ANKRD1: variants seen among roughly 807,000 people sequenced by gnomAD.
ANKRD1 encodes the protein ankyrin repeat domain-containing protein 1.
Under a neutral mutation model 40.1 loss-of-function variants are expected in ANKRD1, and 32 were observed. That is an observed-to-expected ratio of 0.80 (90% confidence interval 0.60 to 1.07). The LOEUF (loss-of-function observed/expected upper bound fraction) is 1.07, where lower values mean the gene tolerates loss of function less well. Among genes scored for constraint, ANKRD1 ranks in the 50% least tolerant of loss-of-function variants. ANKRD1 has a pLI of 0.00. For missense variants in ANKRD1, 359 were observed against 386.0 expected, an observed-to-expected ratio of 0.93 and a Z score of 0.59; for synonymous variants, 149 against 141.2, an observed-to-expected ratio of 1.06 and a Z score of -0.39.
At chr10:90,915,234 G>T (rs1421103488) in intron 8 of ANKRD1, among the ~76,000 whole-genome samples, 1 of 152,186 alleles carries the variant, frequency 6.6e-6, no homozygotes, top group African/African-American at 2.4e-5. Flanking sequence ...AAGCAGATTG[G>T]ACTTCTAGGT....
At chr10:90,914,728 C>T (rs1164337126) in intron 8 of ANKRD1, among the ~76,000 whole-genome samples, 3 of 124,000 alleles carry the variant, frequency 2.4e-5, no homozygotes, top group East Asian at 2.5e-4. Flanking sequence ...CCTCCCCCCC[C>T]CCCCACTCTT....
chr10:90,912,756 C>G lies in ANKRD1; in HGVS notation c.*110G>C, dbSNP rs1847329009. On this transcript the variant is annotated 3_prime_UTR_variant, in exon 9 of 9. Coordinates refer to ENST00000371697, the MANE Select transcript of ANKRD1 (RefSeq NM_014391.3). ...CTCAAAACTTCATTAGGTACATCTT[C>G]ACAACACGTTGATAAATAGAAACTA... The G allele has an allele frequency of 1.9e-6, 2 of 1,056,372 alleles. No homozygotes were observed. Among genetic ancestry groups the G allele is most frequent in the Non-Finnish European group, 1.5e-6 (1 of 675,914 alleles). The allele number at this position is 1,056,372 out of a possible 1,614,324, so 65.4% of individuals were successfully genotyped here.
At chr10:90,919,306 TCTA>T (rs1323219530) in intron 2 of ANKRD1, 38 bp from the exon 3 acceptor site, 1 of 1,572,760 alleles carries the variant, frequency 6.4e-7, no homozygotes, top group Admixed American at 1.7e-5. Flanking sequence ...TATGGTGAGT[TCTA>T]CTGACAAGCA....
At chr10:90,913,879 A>G (rs558667610) in intron 8 of ANKRD1, among the ~76,000 whole-genome samples, 1 of 152,186 alleles carries the variant, frequency 6.6e-6, no homozygotes, top group Admixed American at 6.5e-5. Context: ...AGTTAAAAAC[A>G]TGGTACCCAT....
intron 5 of ANKRD1, among the ~76,000 whole-genome samples, chr10:90,916,907 CTGT>C (rs1847379521): frequency 6.6e-6 from 1 of 152,182 alleles, no homozygotes; most frequent in Non-Finnish European, 1.5e-5. Flanking sequence ...TGTACCTCAA[CTGT>C]AGTCACTTGT....
rs934590266 is a variant in ANKRD1 at position 90,912,609 on chromosome 10, C to G, written c.*257G>C. On this transcript the variant is annotated 3_prime_UTR_variant, in exon 9 of 9. Transcript: ENST00000371697. ...TATATACAAATGAAGCTCTGCTCAC[C>G]AGATGGATGATCATGAAGGTCTGAA... 2.4e-6 allele frequency: 1 copy of G among 419,022 alleles called. No individual in the cohort carries two copies. Among genetic ancestry groups the G allele is most frequent in the Admixed American group, 3.5e-5 (1 of 28,436 alleles). 26.0% of individuals were successfully genotyped at this position (419,022 alleles called of 1,614,324 possible).
chr10:90,916,124 AGGGAGG>A, intron 6 of ANKRD1, 41 bp downstream of exon 6: 6 of 913,874 alleles, frequency 6.6e-6, no homozygotes, highest in African/African-American at 3.8e-5. Flanking sequence ...GATGGGGGAC[AGGGAGG>A]GGGAGGGGGT....
chr10:90,917,898 G>A, intron 4 of ANKRD1, 68 bp from the exon 5 acceptor site: 2 of 1,300,130 alleles, frequency 1.5e-6, no homozygotes, highest in Non-Finnish European at 2.2e-6. Flanking sequence ...CCTTTTAAGA[G>A]CTATGAAGCT....
intron 2 of ANKRD1, among the ~76,000 whole-genome samples, chr10:90,919,604 A>C (rs537587265): frequency 1.3e-5 from 2 of 152,358 alleles, no homozygotes; most frequent in African/African-American, 4.8e-5. Flanking sequence ...TTTTAAAATT[A>C]TGCTCAAAAC....
chr10:90,915,615 C>T lies in ANKRD1; in HGVS notation c.777G>A (p.Ala259=). ...TCATCTTATAGCGGTTCAGTCTCAC[C>T]GCATCATGCAACGGGGTATCTCCTT... is the stretch of plus-strand genomic sequence containing the variant. ...DREGDTPLHD[A]VRLNRYKMIR... Residue 259 remains alanine, a synonymous_variant, in exon 8 of 9, where the codon GCG becomes GCA. Coordinates refer to ENST00000371697, the MANE Select transcript of ANKRD1 (RefSeq NM_014391.3). 1 of 1,613,978 alleles carries T rather than the reference C, an allele frequency of 6.2e-7. No individual in the cohort carries two copies. Among genetic ancestry groups the T allele is most frequent in the Admixed American group, 1.7e-5 (1 of 60,016 alleles).
rs1032358913 is a variant in ANKRD1, at chr10:90,912,763, C to T, written c.*103G>A. On this transcript the variant is annotated 3_prime_UTR_variant, in exon 9 of 9. Coordinates refer to ENST00000371697, the MANE Select transcript of ANKRD1 (RefSeq NM_014391.3). ...CTTCATTAGGTACATCTTCACAACA[C>T]GTTGATAAATAGAAACTAGATTTTA... 1 of 1,097,078 alleles carries T rather than the reference C, an allele frequency of 9.1e-7. No homozygotes were observed. Among genetic ancestry groups the T allele is most frequent in the Non-Finnish European group, 1.4e-6 (1 of 711,756 alleles). 68.0% of individuals were successfully genotyped at this position (1,097,078 alleles called of 1,614,324 possible).
chr10:90,919,014 A>ATATATATATATATATATATATATATG (rs753813796), intron 3 of ANKRD1, 42 bp from the exon 4 acceptor site: 8 of 1,459,372 alleles, frequency 5.5e-6, no homozygotes, highest in African/African-American at 1.6e-5. Context: ...ATATATATAT[A>ATATATATATATATATATATATATATG]TAGCATGAGA....
intron 1 of ANKRD1, 151 bp downstream of exon 1, chr10:90,920,850 T>A: frequency 1.4e-6 from 1 of 710,562 alleles, no homozygotes; most frequent in South Asian, 1.8e-5. Context: ...TTTTTTCCAA[T>A]TTCACTTGTT....
At chr10:90,916,890 C>T (rs1487434347) in intron 5 of ANKRD1, among the ~76,000 whole-genome samples, 1 of 152,174 alleles carries the variant, frequency 6.6e-6, no homozygotes. Flanking sequence ...TTTGCTAGCA[C>T]AGCCTCTGTA....
At position 90,912,532 on chromosome 10, in the gene ANKRD1, C is replaced by T. The variant is rs2120259432; in HGVS notation, c.*334G>A. 1 of 314,360 alleles carries T rather than the reference C, an allele frequency of 3.2e-6. No homozygotes were observed. The highest frequency in any genetic ancestry group is 3.0e-5 in the South Asian group (1 of 33,160). 19.5% of individuals were successfully genotyped at this position (314,360 alleles called of 1,614,324 possible). A position where few individuals can be genotyped will look rare whatever the true frequency, so the allele number is the denominator to read the frequency against. ...CACATAAGTAGGCACTTGAACTTTG[C>T]TCTTTCACCTGGTTTAAGAACTACC... is the stretch of plus-strand genomic sequence containing the variant. On this transcript the variant is annotated 3_prime_UTR_variant, in exon 9 of 9. Transcript: ENST00000371697.
chr10:90,920,071 T>A, intron 2 of ANKRD1, 98 bp downstream of exon 2: 1 of 1,534,428 alleles, frequency 6.5e-7, no homozygotes. Context: ...AGAGACATCT[T>A]AATGATTGGG....
At chr10:90,919,329 T>TCA in intron 2 of ANKRD1, 61 bp from the exon 3 acceptor site, 3 of 1,485,280 alleles carry the variant, frequency 2.0e-6, no homozygotes, top group Non-Finnish European at 2.8e-6. Flanking sequence ...ATTCTGGTTG[T>TCA]GTCTAAACTA....
intron 2 of ANKRD1, 109 bp downstream of exon 2, chr10:90,920,060 A>C: frequency 6.7e-7 from 1 of 1,490,666 alleles, no homozygotes; most frequent in Non-Finnish European, 9.3e-7. Flanking sequence ...GAATCTGGTA[A>C]AGAGACATCT....
intron 8 of ANKRD1, among the ~76,000 whole-genome samples, chr10:90,914,404 T>C (rs780648322): frequency 1.1e-4 from 17 of 152,112 alleles, no homozygotes; most frequent in Non-Finnish European, 1.6e-4. Context: ...CCTAAACCTG[T>C]ATGCTATTTG....
Sources: allele counts gnomAD v4.1 joint callset (sites outside exome capture counted in the v4.1 genomes callset), GRCh38; gene constraint gnomAD v4.1.1; transcripts MANE v1.5; gene names NCBI Gene and HGNC (gene_info 2026-07-23, HGNC 2026-07-21).